The following RASGEF1C variants were observed in gnomAD, a reference collection of about 807,000 sequenced individuals.
The protein encoded by RASGEF1C is ras-GEF domain-containing family member 1C.
RASGEF1C carries 27 observed loss-of-function variants against 58.1 expected under a neutral mutation model. That is an observed-to-expected ratio of 0.46 (90% CI 0.34 to 0.64). The LOEUF is 0.64. Ranked by LOEUF, RASGEF1C falls within the 30% of genes least tolerant of loss-of-function variation. RASGEF1C has a pLI of 0.01. For synonymous variants in RASGEF1C, 243 were observed against 246.3 expected, an observed-to-expected ratio of 0.99 and a Z score of 0.13; for missense variants, 502 against 605.1, an observed-to-expected ratio of 0.83 and a Z score of 1.79.
intron 1 of RASGEF1C, among the ~76,000 whole-genome samples, chr5:180,151,011 G>T (rs1346975764): frequency 1.3e-5 from 2 of 151,138 alleles, no homozygotes; most frequent in Non-Finnish European, 3.0e-5. Flanking sequence ...ACTTGCAAGG[G>T]ATGTGAAGGA....
At chr5:180,133,252 C>T (rs1042452425) in intron 4 of RASGEF1C, among the ~76,000 whole-genome samples, 3 of 152,220 alleles carry the variant, frequency 2.0e-5, no homozygotes, top group Non-Finnish European at 2.9e-5. Context: ...CCCAGAACCA[C>T]GGTCATGGAG....
intron 1 of RASGEF1C, among the ~76,000 whole-genome samples, chr5:180,192,719 A>C (rs747484433): frequency 4.7e-5 from 7 of 150,410 alleles, no homozygotes; most frequent in Admixed American, 2.0e-4. Context: ...TGGGTTAAAT[A>C]AAATATCTTC....
chr5:180,153,490 T>C (rs1047465932), intron 1 of RASGEF1C, among the ~76,000 whole-genome samples: 1 of 152,302 alleles, frequency 6.6e-6, no homozygotes, highest in East Asian at 1.9e-4. Context: ...TTCAAAATAG[T>C]CATATCAGAC....
intron 1 of RASGEF1C, chr5:180,138,260 T>C: frequency 2.3e-6 from 1 of 434,882 alleles, no homozygotes; most frequent in Non-Finnish European, 4.0e-6. Flanking sequence ...CTCCGTCTTC[T>C]CATGGCCTCT....
At chr5:180,138,560 G>A (rs1465146045) in intron 1 of RASGEF1C, among the ~76,000 whole-genome samples, 1 of 152,164 alleles carries the variant, frequency 6.6e-6, no homozygotes. Flanking sequence ...TGGGGCCATT[G>A]TGGCAGGAAA....
At chr5:180,112,900 A>G in intron 11 of RASGEF1C, among the ~76,000 whole-genome samples, 1 of 150,520 alleles carries the variant, frequency 6.6e-6, no homozygotes, top group South Asian at 2.1e-4. Flanking sequence ...GGATGGACGG[A>G]GGGACCGTGG....
chr5:180,183,493 G>GA (rs56168442), intron 1 of RASGEF1C, among the ~76,000 whole-genome samples: 4 of 149,174 alleles, frequency 2.7e-5, no homozygotes, highest in African/African-American at 9.9e-5. Flanking sequence ...AAAGAAGTCA[G>GA]AAAAAAAAAA....
At chr5:180,188,260 A>G (rs1161828351) in intron 1 of RASGEF1C, among the ~76,000 whole-genome samples, 1 of 152,238 alleles carries the variant, frequency 6.6e-6, no homozygotes, top group African/African-American at 2.4e-5. Context: ...TTCCATTTAT[A>G]TGAAATATCC....
chr5:180,129,518 A>G (rs1867455), intron 4 of RASGEF1C, among the ~76,000 whole-genome samples: 106,288 of 152,006 alleles, frequency 0.7, 37,535 homozygotes, highest in African/African-American at 0.78. Context: ...AGGCCCCCCC[A>G]GAGCAATCGG....
intron 1 of RASGEF1C, among the ~76,000 whole-genome samples, chr5:180,176,556 C>CT (rs538002188): frequency 0.035 from 4,845 of 138,354 alleles, 122 homozygotes; most frequent in Non-Finnish European, 0.053. Context: ...AAGGCTAATA[C>CT]TTTTTTTTTT....
intron 1 of RASGEF1C, among the ~76,000 whole-genome samples, chr5:180,190,467 G>C (rs1451117022): frequency 7.7e-6 from 1 of 129,202 alleles, no homozygotes; most frequent in Non-Finnish European, 1.6e-5. Flanking sequence ...TCCAGACTGG[G>C]TGACAGAGTG....
At chr5:180,151,599 T>TA (rs1766746248) in intron 1 of RASGEF1C, among the ~76,000 whole-genome samples, 1 of 151,828 alleles carries the variant, frequency 6.6e-6, no homozygotes, top group African/African-American at 2.4e-5. Flanking sequence ...ATGTTAGACC[T>TA]AAAACCATAA....
chr5:180,191,442 C>T lies in RASGEF1C; in HGVS notation c.-7+17586G>A, dbSNP rs553111270. Among the ~76,000 whole-genome samples, 23 of 152,252 alleles carry T rather than the reference C, an allele frequency of 1.5e-4. No homozygotes were observed. In the South Asian group the frequency reaches 2.3e-3, roughly 15 times the overall value. On this transcript the variant is annotated intron_variant, in intron 1 of 13. Coordinates refer to ENST00000361132, the MANE Select transcript of RASGEF1C (RefSeq NM_175062.4). ...CGCGATCTCAGCTCACTGCAAGCTC[C>T]GCCTCCCGGGTTCACGCCATTCTCC...
intron 1 of RASGEF1C, among the ~76,000 whole-genome samples, chr5:180,176,747 G>GCA (rs1425507584): frequency 5.9e-5 from 9 of 151,998 alleles, no homozygotes; most frequent in South Asian, 2.1e-4. Flanking sequence ...TAGTAGAGAT[G>GCA]GGGTTTCACC....
intron 1 of RASGEF1C, among the ~76,000 whole-genome samples, chr5:180,208,063 T>C (rs1228220894): frequency 6.6e-6 from 1 of 151,992 alleles, no homozygotes; most frequent in Non-Finnish European, 1.5e-5. Context: ...GGCCAGTGAG[T>C]GGACAACCCT....
chr5:180,182,188 G>A (rs1230532912), intron 1 of RASGEF1C, among the ~76,000 whole-genome samples: 3 of 95,490 alleles, frequency 3.1e-5, no homozygotes, highest in African/African-American at 9.0e-5. Context: ...CTGGGCAACA[G>A]AGCAAGACTC....
intron 10 of RASGEF1C, 96 bp from the exon 11 acceptor site, chr5:180,114,637 G>T: frequency 3.4e-6 from 4 of 1,185,482 alleles, no homozygotes; most frequent in African/African-American, 1.5e-5. Flanking sequence ...CTGCCCCAGG[G>T]ACCTCAGACC....
At chr5:180,126,254 A>C (rs942536668) in intron 6 of RASGEF1C, among the ~76,000 whole-genome samples, 12 of 152,054 alleles carry the variant, frequency 7.9e-5, no homozygotes, top group Non-Finnish European at 1.6e-4. Flanking sequence ...AAAAATACAA[A>C]AAATTAGCCG....
At chr5:180,149,640 G>C (rs1766714723) in intron 1 of RASGEF1C, among the ~76,000 whole-genome samples, 1 of 151,404 alleles carries the variant, frequency 6.6e-6, no homozygotes, top group African/African-American at 2.4e-5. Flanking sequence ...ATTTTTAGTA[G>C]AGATGGGGTT....
Sources: gnomAD v4.1 joint callset for allele counts (sites outside exome capture counted in the v4.1 genomes callset) on GRCh38, gnomAD v4.1.1 for gene constraint, MANE v1.5 for transcripts, NCBI Gene and HGNC (gene_info 2026-07-23, HGNC 2026-07-21) for gene names.